TSPAN15: variants seen among roughly 807,000 people sequenced by gnomAD.
The protein encoded by TSPAN15 is tetraspanin 15, also known as tetraspanin-15.
A neutral mutation model predicts 34.5 loss-of-function variants in TSPAN15; 20 were observed. The ratio of observed to expected loss-of-function variants is 0.58; its 90% CI spans 0.41 to 0.84. The LOEUF (loss-of-function observed/expected upper bound fraction) is 0.84. TSPAN15 is among the 40% of genes least tolerant of loss of function. The pLI, the probability that TSPAN15 is intolerant of heterozygous loss-of-function variation, is 0.00. For missense variants in TSPAN15, 313 were observed against 386.1 expected (o/e 0.81, Z 1.59); for synonymous variants, 155 against 153.9 (o/e 1.01, Z -0.05).
At chr10:69,523,273 T>C in the TSPAN15 span, 2 of 348,924 alleles carry the variant, frequency 5.7e-6, no homozygotes, top group Non-Finnish European at 1.1e-5. Flanking sequence ...CTCAAAAAAT[T>C]GCCCCCAAAA....
chr10:69,530,816 CTCTCTATATATATATATA>C, the TSPAN15 span, among the ~76,000 whole-genome samples: 104 of 52,390 alleles, frequency 2.0e-3, no homozygotes, highest in South Asian at 6.4e-3. Context: ...CTCTCTCTCT[CTCTCTATATATATATATA>C]TATATATATA....
the TSPAN15 span, among the ~76,000 whole-genome samples, chr10:69,520,333 G>A: frequency 2.0e-5 from 3 of 152,304 alleles, no homozygotes; most frequent in East Asian, 5.8e-4. Flanking sequence ...CCATGTTATA[G>A]CATTTGTGTC....
At chr10:69,510,889 C>T (rs1281881460), downstream of TSPAN15, among the ~76,000 whole-genome samples, 4 of 152,098 alleles carry the variant, frequency 2.6e-5, no homozygotes, top group Non-Finnish European at 5.9e-5. Context: ...TATTGATTTT[C>T]GTATGTTGAA....
chr10:69,530,820 C>CTCTCTCTCTCTCTCTCTA, the TSPAN15 span, among the ~76,000 whole-genome samples: 1 of 30,776 alleles, frequency 3.2e-5, no homozygotes, highest in African/African-American at 1.2e-4. Flanking sequence ...CTCTCTCTCT[C>CTCTCTCTCTCTCTCTCTA]TATATATATA....
chr10:69,538,821 T>C, the TSPAN15 span, among the ~76,000 whole-genome samples: 390 of 152,324 alleles, frequency 2.6e-3, 4 homozygotes, highest in Middle Eastern at 0.01. Context: ...CCAAGCTCTG[T>C]CCACAGCTCC....
intron 5 of TSPAN15, among the ~76,000 whole-genome samples, chr10:69,503,662 G>A (rs111444043): frequency 0.012 from 1,797 of 152,182 alleles, 33 homozygotes; most frequent in African/African-American, 0.04. Context: ...CAGCACTCAC[G>A]GCAGCGTTCA....
At chr10:69,534,476 G>T in the TSPAN15 span, among the ~76,000 whole-genome samples, 1 of 152,142 alleles carries the variant, frequency 6.6e-6, no homozygotes, top group African/African-American at 2.4e-5. Flanking sequence ...GAGAATGAAA[G>T]AGCTTATCAA....
chr10:69,498,062 G>A (rs1457838466), intron 4 of TSPAN15, among the ~76,000 whole-genome samples: 1 of 152,188 alleles, frequency 6.6e-6, no homozygotes, highest in African/African-American at 2.4e-5. Flanking sequence ...AGGCAGCCCA[G>A]CCTTGGCTTC....
At chr10:69,517,879 G>A in the TSPAN15 span, among the ~76,000 whole-genome samples, 3 of 152,204 alleles carry the variant, frequency 2.0e-5, no homozygotes, top group East Asian at 5.8e-4. Context: ...GGAAAACTGG[G>A]CCCATGGGAA....
chr10:69,520,330 A>T, the TSPAN15 span, among the ~76,000 whole-genome samples: 1 of 152,226 alleles, frequency 6.6e-6, no homozygotes, highest in Non-Finnish European at 1.5e-5. Context: ...CACCCATGTT[A>T]TAGCATTTGT....
chr10:69,490,945 C>T (rs1465599228), intron 3 of TSPAN15, among the ~76,000 whole-genome samples: 2 of 152,228 alleles, frequency 1.3e-5, no homozygotes, highest in Non-Finnish European at 1.5e-5. Flanking sequence ...TTCCCACTTA[C>T]AGCAGAGCGG....
intron 1 of TSPAN15, among the ~76,000 whole-genome samples, chr10:69,472,448 A>G (rs188271533): frequency 1.3e-5 from 2 of 152,072 alleles, no homozygotes; most frequent in African/African-American, 4.8e-5. Flanking sequence ...TGATTCCCAC[A>G]TGTGTTGGTG....
At chr10:69,505,827 C>G in intron 6 of TSPAN15, 1 of 286,472 alleles carries the variant, frequency 3.5e-6, no homozygotes, top group Non-Finnish European at 6.5e-6. Flanking sequence ...GAGAAGCACA[C>G]AGGCAGGGCA....
At chr10:69,496,056 G>A (rs1000154766) in intron 4 of TSPAN15, among the ~76,000 whole-genome samples, 3 of 152,080 alleles carry the variant, frequency 2.0e-5, no homozygotes, top group African/African-American at 7.2e-5. Context: ...CTCCTTCCTT[G>A]AGGTGTGAGC....
At chr10:69,496,147 T>A (rs985982602) in intron 4 of TSPAN15, among the ~76,000 whole-genome samples, 1 of 151,972 alleles carries the variant, frequency 6.6e-6, no homozygotes, top group Admixed American at 6.6e-5. Flanking sequence ...CTTGTCAAGT[T>A]AAAGACATCC....
At chr10:69,524,803 G>A in the TSPAN15 span, among the ~76,000 whole-genome samples, 79,133 of 142,414 alleles carry the variant, frequency 0.56, 24,899 homozygotes, top group African/African-American at 0.65. Flanking sequence ...TTTTTGAGAC[G>A]AAGTCTCGCT....
At chr10:69,496,721 C>T (rs1431404633) in intron 4 of TSPAN15, among the ~76,000 whole-genome samples, 1 of 152,194 alleles carries the variant, frequency 6.6e-6, no homozygotes, top group Non-Finnish European at 1.5e-5. Context: ...CTAGCCTCTC[C>T]CCACATGCAG....
At chr10:69,544,663 T>C in the TSPAN15 span, among the ~76,000 whole-genome samples, 5 of 152,014 alleles carry the variant, frequency 3.3e-5, no homozygotes, top group African/African-American at 1.2e-4. Flanking sequence ...AGAGGCAAAG[T>C]TAGGAACGAT....
intron 1 of TSPAN15, 37 bp downstream of exon 1, chr10:69,451,727 G>A: frequency 7.1e-7 from 1 of 1,398,668 alleles, no homozygotes; most frequent in Non-Finnish European, 9.4e-7. Flanking sequence ...ATGGGGGTGG[G>A]GACCCACAAT....
Sources: gnomAD v4.1 joint callset for allele counts (sites outside exome capture counted in the v4.1 genomes callset) on GRCh38, gnomAD v4.1.1 for gene constraint, MANE v1.5 for transcripts, NCBI Gene and HGNC (gene_info 2026-07-23, HGNC 2026-07-21) for gene names.